CACNA1H: variants seen among roughly 807,000 people sequenced by gnomAD.
CACNA1H encodes the protein voltage-dependent T-type calcium channel subunit alpha-1H.
CACNA1H carries 149 observed loss-of-function variants against 192.5 expected under a neutral mutation model. The ratio of observed to expected loss-of-function variants is 0.77; its 90% CI spans 0.68 to 0.89. The LOEUF (loss-of-function observed/expected upper bound fraction) is 0.89, where lower values mean the gene tolerates loss of function less well. CACNA1H is among the 40% of genes least tolerant of loss of function. CACNA1H has a pLI of 0.00. For synonymous variants in CACNA1H, 2,202 were observed against 1,475.2 expected (o/e 1.49, Z -11.29); for missense variants, 4,257 against 3,423.5 (o/e 1.24, Z -6.08).
At chr16:1,212,398 C>G (rs1486658468) in intron 25 of CACNA1H, 113 bp from the exon 26 acceptor site, 1 of 1,193,506 alleles carries the variant, frequency 8.4e-7, no homozygotes, top group Non-Finnish European at 1.2e-6. Context: ...AGTCCTCACT[C>G]CACGAGGAGC....
chr16:1,178,183 C>T (rs1202476689), intron 2 of CACNA1H, among the ~76,000 whole-genome samples: 1 of 135,986 alleles, frequency 7.4e-6, no homozygotes, highest in Non-Finnish European at 1.6e-5. Flanking sequence ...CCCGCCCCCT[C>T]TCCATGGGGC....
At chr16:1,200,076 C>T (rs977406583) in intron 6 of CACNA1H, among the ~76,000 whole-genome samples, 180 bp from the exon 7 acceptor site, 6 of 152,128 alleles carry the variant, frequency 3.9e-5, no homozygotes, top group East Asian at 1.9e-4. Flanking sequence ...CGGGTCTTGA[C>T]CCTCAGTCCT....
In CACNA1H at chr16:1,215,113, G is replaced by T. The variant is rs549808330; in HGVS notation, c.5039+32G>T. ...GTGGTGGGGCCGTCTTGGGTTCTGG[G>T]GGCCCCTCAGGGCTCTGGGGGCTGG... On this transcript the variant is annotated intron_variant, in intron 28 of 34. Coordinates refer to ENST00000348261, the MANE Select transcript of CACNA1H (RefSeq NM_021098.3). The T allele has an allele frequency of 3.3e-4, 526 of 1,591,170 alleles. 7 individuals carry two copies. The South Asian group carries it at 4.7e-3, about 14-fold the overall frequency.
At chr16:1,213,681 T>C in intron 26 of CACNA1H, 99 bp from the exon 27 acceptor site, 1 of 895,954 alleles carries the variant, frequency 1.1e-6, no homozygotes, top group Non-Finnish European at 1.6e-6. Flanking sequence ...CCCCAACTTC[T>C]ACCCTACACT....
chr16:1,215,673 C>A, intron 30 of CACNA1H, 80 bp downstream of exon 30: 1 of 1,129,846 alleles, frequency 8.9e-7, no homozygotes, highest in Non-Finnish European at 1.3e-6. Context: ...CCCCCTCTCC[C>A]CCTCACTCGT....
chr16:1,211,144 A>G (rs369679346), intron 21 of CACNA1H, 24 bp from the exon 22 acceptor site: 5 of 1,610,560 alleles, frequency 3.1e-6, no homozygotes, highest in African/African-American at 2.7e-5. Flanking sequence ...AGATGACTGC[A>G]GTGTATCCTT....
At chr16:1,206,812 T>A in intron 12 of CACNA1H, 189 bp from the exon 13 acceptor site, 1 of 584,844 alleles carries the variant, frequency 1.7e-6, no homozygotes, top group Non-Finnish European at 3.1e-6. Context: ...CACTACTGAG[T>A]TGTAGGGCAG....
Position 1,218,262 on chromosome 16 carries a change from C to T in CACNA1H, c.5498C>T (p.Pro1833Leu), listed in dbSNP as rs555953199. 13 of 1,551,290 alleles carry T rather than the reference C, an allele frequency of 8.4e-6. No homozygotes were observed. The highest frequency in any genetic ancestry group is 2.4e-5 in the South Asian group (2 of 84,084). Reference sequence around the variant, plus strand: ...GACAAGCACTGCCTGAGCTACCTGCCGGCCCTGTCGCCCGTCTACTTCGTG... The same window carrying T: ...GACAAGCACTGCCTGAGCTACCTGCTGGCCCTGTCGCCCGTCTACTTCGTG... ...REDKHCLSYL[P>L]ALSPVYFVTF... is the part of the protein sequence containing the mutation. The change falls in exon 33 of 35, where the codon CCG becomes CTG. Residue 1833 changes from proline (P) to leucine (L), a missense_variant. Physicochemically the swap from Pro to Leu is moderately conservative, Grantham distance 98. Transcript: ENST00000348261.
At chr16:1,199,678 G>C (rs1211851640) in intron 6 of CACNA1H, among the ~76,000 whole-genome samples, 1 of 147,682 alleles carries the variant, frequency 6.8e-6, no homozygotes, top group African/African-American at 2.5e-5. Flanking sequence ...CTCACCCCGG[G>C]TTCTCCCCTC....
intron 2 of CACNA1H, among the ~76,000 whole-genome samples, chr16:1,175,844 G>A (rs1260325106): frequency 6.6e-6 from 1 of 152,166 alleles, no homozygotes; most frequent in Non-Finnish European, 1.5e-5. Flanking sequence ...GTTGAGGGGC[G>A]TGTGCCAGTG....
In CACNA1H at chr16:1,217,778, C is replaced by G. The variant is rs373764030; in HGVS notation, c.5324-141C>G. The G allele has an allele frequency of 4.8e-4, 563 of 1,165,874 alleles. 11 individuals carry two copies. In the South Asian group the frequency reaches 8.9e-3, roughly 18 times the overall value. The allele number at this position is 1,165,874 out of a possible 1,614,324, so 72.2% of individuals were successfully genotyped here. A position where few individuals can be genotyped will look rare whatever the true frequency, so the allele number is the denominator to read the frequency against. ...CAGGGTCACCCTCTGCCAGGCAGGG[C>G]GAACCGCCAGGGCCTCGTCATCCAC... On this transcript the variant is annotated intron_variant, in intron 31 of 34. Coordinates refer to ENST00000348261, the MANE Select transcript of CACNA1H (RefSeq NM_021098.3).
intron 30 of CACNA1H, among the ~76,000 whole-genome samples, chr16:1,216,310 C>T (rs953110036): frequency 2.6e-5 from 4 of 152,236 alleles, no homozygotes; most frequent in African/African-American, 4.8e-5. Context: ...GTAACACTCC[C>T]GAGGGCCAGG....
chr16:1,162,645 G>A (rs936662603), intron 2 of CACNA1H, among the ~76,000 whole-genome samples: 1 of 151,768 alleles, frequency 6.6e-6, no homozygotes, highest in Admixed American at 6.6e-5. Context: ...GGAGTGGGGG[G>A]GGGGGGTCCA....
In CACNA1H at chr16:1,153,873, C is replaced by T. The variant is rs1216356105; in HGVS notation, c.136C>T (p.Leu46Phe). The T allele has an allele frequency of 7.1e-7, 1 of 1,405,516 alleles. No homozygotes were observed. Among genetic ancestry groups the T allele is most frequent in the Non-Finnish European group, 9.3e-7 (1 of 1,076,290 alleles). 87.1% of individuals were successfully genotyped at this position (1,405,516 alleles called of 1,614,324 possible). A position where few individuals can be genotyped will look rare whatever the true frequency, so the allele number is the denominator to read the frequency against. Reference protein sequence around the residue: ...PGREAERGSELGVSPSESPAA... With the variant: ...PGREAERGSEFGVSPSESPAA... ...ACGCGAGGCGGAGCGGGGGTCCGAG[C>T]TCGGCGTGTCACCCTCCGAGAGCCC... The change falls in exon 2 of 35, where the codon CTC becomes TTC. Residue 46 changes from leucine (L) to phenylalanine (F), a missense_variant. Physicochemically the swap from Leu to Phe is conservative, Grantham distance 22 (BLOSUM62 0). Transcript: ENST00000348261.
rs963021721 is a variant in CACNA1H at position 1,204,202 on chromosome 16, A to G, written c.2195A>G (p.Gln732Arg). Residue 732 changes from glutamine (Q) to arginine (R), a missense_variant, in exon 10 of 35, where the codon CAG becomes CGG. Physicochemically the swap from Gln to Arg is conservative, Grantham distance 43 (BLOSUM62 1). Coordinates refer to ENST00000348261, the MANE Select transcript of CACNA1H (RefSeq NM_021098.3). Reference sequence around the variant, plus strand: ...GGCCGTGGCGTCTATGAATTCACGCAGGACGTCCGGCACGGTGACCGCTGG... The same window carrying G: ...GGCCGTGGCGTCTATGAATTCACGCGGGACGTCCGGCACGGTGACCGCTGG... ...SDGRGVYEFT[Q>R]DVRHGDRWDP... 22 of 1,612,158 alleles carry G rather than the reference A, an allele frequency of 1.4e-5. No homozygotes were observed. The highest frequency in any genetic ancestry group is 6.6e-5 in the South Asian group (6 of 91,018).
rs896786902 is a variant in CACNA1H, at chr16:1,167,856, C to T, written c.299+13820C>T. 3.9e-5 allele frequency among the ~76,000 whole-genome samples: 6 copies of T among 152,188 alleles called. No homozygotes were observed. The highest frequency in any genetic ancestry group is 1.4e-4 in the African/African-American group (6 of 41,452). On this transcript the variant is annotated intron_variant, in intron 2 of 34. Coordinates refer to ENST00000348261, the MANE Select transcript of CACNA1H (RefSeq NM_021098.3). This position sits in a 1 kb window ranked among gnomAD's most constrained non-coding sequence, Gnocchi z 4.2. ...GTTGGGGCGTGGCCTGGCCGTCCGT[C>T]CGCGGGGCCCGGGCTGCCCATGGCA...
chr16:1,188,658 A>G (rs1360700336), intron 2 of CACNA1H, among the ~76,000 whole-genome samples: 1 of 152,154 alleles, frequency 6.6e-6, no homozygotes, highest in South Asian at 2.1e-4. Flanking sequence ...CTTCAGAGCT[A>G]TGCGCTTTCA....
At chr16:1,160,594 C>A (rs1225717369) in intron 2 of CACNA1H, among the ~76,000 whole-genome samples, 1 of 152,164 alleles carries the variant, frequency 6.6e-6, no homozygotes, top group Non-Finnish European at 1.5e-5. Flanking sequence ...GGGGGTGTGC[C>A]GCCACGTGGC....
chr16:1,221,326 G>C lies in CACNA1H; in HGVS notation c.*332G>C, dbSNP rs1199243880. On this transcript the variant is annotated 3_prime_UTR_variant, in exon 35 of 35. Coordinates refer to ENST00000348261, the MANE Select transcript of CACNA1H (RefSeq NM_021098.3). ...CCCGCCAGAGAGGGGAAGGTACCAG[G>C]TTGCGTCCTTTCAGGCCCCGCGTTG... 5.2e-6 allele frequency: 2 copies of C among 381,970 alleles called. No homozygotes were observed. 23.7% of individuals were successfully genotyped at this position (381,970 alleles called of 1,614,324 possible). A position where few individuals can be genotyped will look rare whatever the true frequency, so the allele number is the denominator to read the frequency against.
Sources: gnomAD v4.1 joint callset for allele counts (sites outside exome capture counted in the v4.1 genomes callset) on GRCh38, gnomAD v4.1.1 for gene constraint, Gnocchi (gnomAD v3.1) non-coding constraint, MANE v1.5 for transcripts, NCBI Gene and HGNC (gene_info 2026-07-23, HGNC 2026-07-21) for gene names.